The following LRRTM3 variants were observed in gnomAD, a reference collection of about 807,000 sequenced individuals.
The protein encoded by LRRTM3 is leucine-rich repeat transmembrane neuronal protein 3.
In LRRTM3, 24 loss-of-function variants were observed where a neutral mutation model predicts 44.7. The observed-to-expected ratio is 0.54, with a 90% CI of 0.39 to 0.76. The LOEUF (loss-of-function observed/expected upper bound fraction) is 0.76. LRRTM3 is among the 30% of genes least tolerant of loss of function. The pLI is 0.00. For synonymous variants in LRRTM3, 277 were observed against 278.7 expected, an observed-to-expected ratio of 0.99 and a Z score of 0.06; for missense variants, 587 against 702.2, an observed-to-expected ratio of 0.84 and a Z score of 1.85.
chr10:67,024,851 C>T (rs141225625), intron 2 of LRRTM3, among the ~76,000 whole-genome samples: 8 of 151,828 alleles, frequency 5.3e-5, no homozygotes, highest in Admixed American at 2.0e-4. Context: ...CACAAGAGGC[C>T]GGGTGGGGTG....
intron 2 of LRRTM3, among the ~76,000 whole-genome samples, chr10:67,058,774 T>A (rs1008006359): frequency 1.1e-4 from 16 of 152,184 alleles, no homozygotes; most frequent in Admixed American, 9.8e-4. Context: ...AGACTTGTAA[T>A]GTCTGCATCA....
intron 2 of LRRTM3, among the ~76,000 whole-genome samples, chr10:66,937,772 T>C (rs144611305): frequency 1.3e-5 from 2 of 152,240 alleles, no homozygotes; most frequent in East Asian, 1.9e-4. Context: ...GCAATTTCCT[T>C]TGTGAGAAAT....
intron 2 of LRRTM3, among the ~76,000 whole-genome samples, chr10:67,087,611 G>T (rs1341400138): frequency 6.6e-6 from 1 of 151,770 alleles, no homozygotes; most frequent in Non-Finnish European, 1.5e-5. Flanking sequence ...AAATAAAGTG[G>T]ATCTCAAACA....
intron 2 of LRRTM3, among the ~76,000 whole-genome samples, chr10:66,966,338 C>T (rs1486182953): frequency 6.6e-6 from 1 of 152,002 alleles, no homozygotes; most frequent in Non-Finnish European, 1.5e-5. Flanking sequence ...AGAATTTTAG[C>T]ATCATCTAAC....
At chr10:66,951,655 G>A (rs1848546740) in intron 2 of LRRTM3, among the ~76,000 whole-genome samples, 1 of 152,002 alleles carries the variant, frequency 6.6e-6, no homozygotes, top group Non-Finnish European at 1.5e-5. Context: ...CACACTATTG[G>A]CTTTTGTTCC....
chr10:67,091,652 A>G (rs1413897500), intron 2 of LRRTM3, among the ~76,000 whole-genome samples: 1 of 152,094 alleles, frequency 6.6e-6, no homozygotes, highest in Non-Finnish European at 1.5e-5. Flanking sequence ...CACTAAGGTG[A>G]AAAAGGTAAT....
intron 2 of LRRTM3, among the ~76,000 whole-genome samples, chr10:67,002,426 G>A (rs1217158432): frequency 1.3e-5 from 2 of 152,006 alleles, no homozygotes; most frequent in Non-Finnish European, 2.9e-5. Context: ...TTAATGATAG[G>A]AAAAGTAATG....
chr10:66,980,544 C>T (rs939011951), intron 2 of LRRTM3, among the ~76,000 whole-genome samples: 1 of 151,964 alleles, frequency 6.6e-6, no homozygotes, highest in Non-Finnish European at 1.5e-5. Context: ...TGAACAGGAA[C>T]CAAAACTATT....
chr10:67,016,054 C>T (rs1214548338), intron 2 of LRRTM3, among the ~76,000 whole-genome samples: 2 of 151,924 alleles, frequency 1.3e-5, no homozygotes, highest in African/African-American at 4.8e-5. Flanking sequence ...CATCTGTCTC[C>T]TTTCTGAACC....
chr10:66,935,305 G>A (rs1005280768), intron 2 of LRRTM3, among the ~76,000 whole-genome samples: 1 of 152,010 alleles, frequency 6.6e-6, no homozygotes. Context: ...CCTCTCTAAG[G>A]TACAACAGTG....
At chr10:67,089,125 T>C (rs1239329546) in intron 2 of LRRTM3, among the ~76,000 whole-genome samples, 1 of 151,932 alleles carries the variant, frequency 6.6e-6, no homozygotes, top group Non-Finnish European at 1.5e-5. Flanking sequence ...GGACCCCCCA[T>C]AGGTTTTGCT....
intron 2 of LRRTM3, among the ~76,000 whole-genome samples, chr10:66,994,576 A>G (rs1157914671): frequency 2.0e-5 from 3 of 152,322 alleles, no homozygotes; most frequent in East Asian, 3.9e-4. Context: ...ATTAAGTACC[A>G]AGGATACCTA....
intron 2 of LRRTM3, among the ~76,000 whole-genome samples, chr10:66,984,447 G>T (rs1309273273): frequency 1.3e-5 from 2 of 152,140 alleles, no homozygotes; most frequent in South Asian, 2.1e-4. Context: ...ATGTAAATAT[G>T]AGAGAAAGAG....
intron 2 of LRRTM3, among the ~76,000 whole-genome samples, chr10:67,049,812 G>C (rs1303925269): frequency 2.0e-5 from 3 of 152,072 alleles, no homozygotes; most frequent in African/African-American, 7.2e-5. Flanking sequence ...TTAAATGTAG[G>C]TATGTGCATG....
At chr10:67,018,850 A>G (rs1231788337) in intron 2 of LRRTM3, among the ~76,000 whole-genome samples, 4 of 152,242 alleles carry the variant, frequency 2.6e-5, no homozygotes, top group Non-Finnish European at 4.4e-5. Flanking sequence ...CCAGGCATTC[A>G]GTGTATAAGA....
chr10:67,025,089 A>C lies in LRRTM3; in HGVS notation c.1537-72498A>C, dbSNP rs182347216. Among the ~76,000 whole-genome samples the C allele has an allele frequency of 8.5e-3, 1,238 of 146,246 alleles. 12 individuals are homozygous for C. The highest frequency in any genetic ancestry group is 0.013 in the Non-Finnish European group (875 of 67,260). On this transcript the variant is annotated intron_variant, in intron 2 of 2. Coordinates refer to ENST00000361320, the MANE Select transcript of LRRTM3 (RefSeq NM_178011.5). ...GGTTGCGGTGAGCCGAGATCATGCC[A>C]TTGCACACTCCAGCCTGAGCAACAA...
Position 67,097,704 on chromosome 10 carries a change from G to T in LRRTM3, c.1654G>T (p.Asp552Tyr). 1.2e-6 allele frequency: 2 copies of T among 1,612,700 alleles called. No individual in the cohort carries two copies. The highest frequency in any genetic ancestry group is 4.5e-5 in the East Asian group (2 of 44,842). Reference protein sequence around the residue: ...HKSFETNAQEDTMETHLETEL... With the variant: ...HKSFETNAQEYTMETHLETEL... The stretch of plus-strand genomic sequence containing the variant: ...GTCCTTTGAAACGAATGCACAGGAA[G>T]ATACGATGGAAACACACCTAGAGAC... Residue 552 changes from aspartate (D) to tyrosine (Y), a missense_variant, in exon 3 of 3, where the codon GAT (aspartate) becomes TAT (tyrosine). Transcript: ENST00000361320.
chr10:66,957,200 A>G (rs1239659592), intron 2 of LRRTM3, among the ~76,000 whole-genome samples: 1 of 152,030 alleles, frequency 6.6e-6, no homozygotes, highest in Non-Finnish European at 1.5e-5. Context: ...TATCAAAGAT[A>G]TCTCCCACAG....
At chr10:66,938,024 C>G (rs1392485734) in intron 2 of LRRTM3, among the ~76,000 whole-genome samples, 1 of 151,962 alleles carries the variant, frequency 6.6e-6, no homozygotes, top group East Asian at 1.9e-4. Flanking sequence ...CTGATACAGT[C>G]TTTTATGCAT....
Sources: allele counts gnomAD v4.1 joint callset (sites outside exome capture counted in the v4.1 genomes callset), GRCh38; gene constraint gnomAD v4.1.1; transcripts MANE v1.5; gene names NCBI Gene and HGNC (gene_info 2026-07-23, HGNC 2026-07-21).